The following UNC80 variants were observed in gnomAD, a reference collection of about 807,000 sequenced individuals.
UNC80 encodes protein unc-80 homolog.
A neutral mutation model predicts 384.6 loss-of-function variants in UNC80; 164 were observed. The observed-to-expected ratio is 0.43, with a 90% CI of 0.38 to 0.49. The LOEUF (loss-of-function observed/expected upper bound fraction) is 0.49, where lower values mean the gene tolerates loss of function less well. Ranked by LOEUF, UNC80 falls within the 20% of genes least tolerant of loss-of-function variation. UNC80 has a pLI of 0.00. For missense variants in UNC80, 3,330 were observed against 4,143.0 expected (o/e 0.80, Z 5.39); for synonymous variants, 1,486 against 1,527.8 (o/e 0.97, Z 0.64).
intron 7 of UNC80, among the ~76,000 whole-genome samples, chr2:209,807,366 T>A (rs2078967601): frequency 3.0e-3 from 1 of 328 alleles, no homozygotes; most frequent in African/African-American, 5.0e-3. Context: ...CTCATGTCAT[T>A]TTTTTTTTTT....
At chr2:209,893,427 G>T (rs965333567) in intron 26 of UNC80, among the ~76,000 whole-genome samples, 1 of 152,178 alleles carries the variant, frequency 6.6e-6, no homozygotes, top group Non-Finnish European at 1.5e-5. Flanking sequence ...TCTTTTACCC[G>T]TTTATTTTCC....
chr2:209,772,000 G>A lies in UNC80; in HGVS notation c.-73G>A, dbSNP rs934792734. On this transcript the variant is annotated 5_prime_UTR_variant, in exon 1 of 65. Transcript: ENST00000673920. The stretch of plus-strand genomic sequence containing the variant: ...GAGGGGATGAGAGTTGGGAGCAGCG[G>A]GAGGAGGCGGCGGCGGCGGCTAGCG... 17 of 1,109,024 alleles carry A rather than the reference G, an allele frequency of 1.5e-5. No homozygotes were observed. The highest frequency in any genetic ancestry group is 2.3e-5 in the Non-Finnish European group (17 of 747,912). 68.7% of individuals were successfully genotyped at this position (1,109,024 alleles called of 1,614,324 possible). A position where few individuals can be genotyped will look rare whatever the true frequency, so the allele number is the denominator to read the frequency against.
At chr2:209,945,023 A>G in intron 45 of UNC80, 28 bp from the exon 46 acceptor site, 1 of 1,548,950 alleles carries the variant, frequency 6.5e-7, no homozygotes, top group South Asian at 1.2e-5. Context: ...GTGGGAGTCA[A>G]TAAACAAAAA....
intron 19 of UNC80, among the ~76,000 whole-genome samples, chr2:209,840,008 T>A (rs2081620739): frequency 6.6e-6 from 1 of 152,122 alleles, no homozygotes; most frequent in African/African-American, 2.4e-5. Context: ...AGTAGAATGA[T>A]AGGGGCCAGA....
In UNC80 at chr2:209,839,594, A is replaced by G. The variant is rs2081592312; in HGVS notation, c.3250+164A>G. ...TTAATTTTTCCCACAGTATTTTTCAATACCCTACTATGTGCCTCTTCTGTG... is the reference window on the plus strand; with the variant it reads ...TTAATTTTTCCCACAGTATTTTTCAGTACCCTACTATGTGCCTCTTCTGTG... On this transcript the variant is annotated intron_variant, in intron 19 of 64. Coordinates refer to ENST00000673920, the MANE Select transcript of UNC80 (RefSeq NM_001371986.1). The surrounding 1 kb of genome is among the most constrained non-coding windows in gnomAD (Gnocchi z 4.1). 1.3e-5 allele frequency among the ~76,000 whole-genome samples: 2 copies of G among 152,138 alleles called. No individual in the cohort carries two copies. Among genetic ancestry groups the G allele is most frequent in the African/African-American group, 2.4e-5 (1 of 41,434 alleles).
chr2:209,940,849 A>C (rs2091583267), intron 43 of UNC80, among the ~76,000 whole-genome samples: 2 of 152,158 alleles, frequency 1.3e-5, no homozygotes, highest in African/African-American at 4.8e-5. Context: ...AAAACGCTTC[A>C]GCTTCAGCAG....
intron 43 of UNC80, 42 bp from the exon 44 acceptor site, chr2:209,941,179 G>A (rs754091157): frequency 3.3e-5 from 48 of 1,472,440 alleles, no homozygotes; most frequent in Non-Finnish European, 4.3e-5. Flanking sequence ...GACAGGATTG[G>A]TGTGGGGCTA....
chr2:209,791,819 CAAAAAA>C (rs71043949), intron 6 of UNC80, among the ~76,000 whole-genome samples: 1 of 52,144 alleles, frequency 1.9e-5, no homozygotes, highest in Non-Finnish European at 3.2e-5. Context: ...GACTCCGTCT[CAAAAAA>C]AAAAAAAAAA....
At chr2:209,836,546 A>G (rs925117473) in intron 18 of UNC80, among the ~76,000 whole-genome samples, 2 of 152,184 alleles carry the variant, frequency 1.3e-5, no homozygotes, top group African/African-American at 4.8e-5. Context: ...TAGCACATCT[A>G]TTCTTTCTTC....
chr2:209,903,232 G>T (rs954851986), intron 28 of UNC80, among the ~76,000 whole-genome samples: 3 of 145,164 alleles, frequency 2.1e-5, no homozygotes, highest in African/African-American at 7.7e-5. Flanking sequence ...TTGATCTGCA[G>T]TTGGTTGAAT....
chr2:209,917,816 C>A lies in UNC80; in HGVS notation c.5069C>A (p.Ala1690Asp). The A allele has an allele frequency of 2.6e-6, 4 of 1,552,134 alleles. No homozygotes were observed. The highest frequency in any genetic ancestry group is 3.5e-6 in the Non-Finnish European group (4 of 1,147,068). ...FLLCAVKVPE[A>D]VSDMLMSEFH... is the part of the protein sequence containing the mutation. ...CTGTGTGCAGTGAAGGTGCCTGAGG[C>A]CGTGTCCGACATGCTGATGTCAGAG... Residue 1690 changes from alanine (A) to aspartate (D), a missense_variant, in exon 32 of 65, where the codon GCC (alanine) becomes GAC (aspartate). Transcript: ENST00000673920.
At chr2:209,989,661 G>A (rs2125030107) in intron 61 of UNC80, among the ~76,000 whole-genome samples, 1 of 152,306 alleles carries the variant, frequency 6.6e-6, no homozygotes, top group South Asian at 2.1e-4. Context: ...GAGGTGCTTA[G>A]TGAAAACCCC....
rs2092464063 is a variant in UNC80, at chr2:209,957,747, G to A, written c.7550+11G>A. Reference sequence around the variant, plus strand: ...TGGGGTGAACACCAGGTAATTCACTGCGCCTTATTCTTCTATGGTCTCTCA... The same window carrying A: ...TGGGGTGAACACCAGGTAATTCACTACGCCTTATTCTTCTATGGTCTCTCA... On this transcript the variant is annotated intron_variant, in intron 49 of 64. Transcript: ENST00000673920. The A allele has an allele frequency of 1.9e-6, 3 of 1,550,958 alleles. No homozygotes were observed. Among genetic ancestry groups the A allele is most frequent in the Non-Finnish European group, 2.6e-6 (3 of 1,146,584 alleles).
chr2:209,822,126 A>T (rs553606825), intron 13 of UNC80, among the ~76,000 whole-genome samples: 1 of 152,206 alleles, frequency 6.6e-6, no homozygotes, highest in African/African-American at 2.4e-5. Context: ...GTGGACTCTG[A>T]TCCAAATATC....
At chr2:209,860,592 A>G (rs937768666) in intron 22 of UNC80, among the ~76,000 whole-genome samples, 10 of 152,130 alleles carry the variant, frequency 6.6e-5, no homozygotes, top group African/African-American at 2.2e-4. Context: ...AAGAATGTCA[A>G]TGGTTATTTG....
intron 35 of UNC80, among the ~76,000 whole-genome samples, chr2:209,924,069 G>A (rs913727986): frequency 2.0e-5 from 3 of 151,920 alleles, no homozygotes; most frequent in Non-Finnish European, 4.4e-5. Flanking sequence ...TATAATAGCT[G>A]ACAAAATCTT....
At chr2:209,954,352 G>A in intron 48 of UNC80, 82 bp downstream of exon 48, 1 of 1,330,192 alleles carries the variant, frequency 7.5e-7, no homozygotes, top group Non-Finnish European at 9.8e-7. Context: ...AAATGTGATG[G>A]ATAAAAATCT....
chr2:209,820,595 TGGAGGAGGTGGAGGAGGTGATGGA>T lies in UNC80; in HGVS notation c.2267_2290del (p.Asp756_Gly763del), dbSNP rs1327569373. Reference sequence around the variant, plus strand: ...GAGGAGAAGAAGGAGGAGGTGGAGATGGAGGAGGTGGAGGAGGTGATGGAGGAGGAGGTGGAGGAGGTGGAGGCG... The same window carrying T: ...GAGGAGAAGAAGGAGGAGGTGGAGATGGAGGAGGTGGAGGAGGTGGAGGCG... On this transcript the variant is annotated inframe_deletion, in exon 13 of 65. Transcript: ENST00000673920. 1.3e-6 allele frequency: 2 copies of T among 1,547,454 alleles called. No homozygotes were observed. The highest frequency in any genetic ancestry group is 2.4e-5 in the East Asian group (1 of 40,844).
At position 209,976,479 on chromosome 2, in the gene UNC80, T is replaced by C. The variant is rs1302303565; in HGVS notation, c.8772+176T>C. Reference sequence around the variant, plus strand: ...AAAAATATATTCCAGAGGATAAAAATTTCACACTAGAAATGCCTTCACAGT... The same window carrying C: ...AAAAATATATTCCAGAGGATAAAAACTTCACACTAGAAATGCCTTCACAGT... On this transcript the variant is annotated intron_variant, in intron 57 of 64. Coordinates refer to ENST00000673920, the MANE Select transcript of UNC80 (RefSeq NM_001371986.1). This position sits in a 1 kb window ranked among gnomAD's most constrained non-coding sequence, Gnocchi z 4.3. 6.6e-6 allele frequency among the ~76,000 whole-genome samples: 1 copy of C among 152,058 alleles called. No homozygotes were observed. The highest frequency in any genetic ancestry group is 6.6e-5 in the Admixed American group (1 of 15,260).
Sources: gnomAD v4.1 joint callset for allele counts (sites outside exome capture counted in the v4.1 genomes callset) on GRCh38, gnomAD v4.1.1 for gene constraint, Gnocchi (gnomAD v3.1) non-coding constraint, MANE v1.5 for transcripts, NCBI Gene and HGNC (gene_info 2026-07-23, HGNC 2026-07-21) for gene names.